The following NAALADL2 variants were observed in gnomAD, a reference collection of about 807,000 sequenced individuals.
The protein encoded by NAALADL2 is N-acetylated alpha-linked acidic dipeptidase like 2.
A neutral mutation model predicts 87.2 loss-of-function variants in NAALADL2; 76 were observed. The ratio of observed to expected loss-of-function variants is 0.87; its 90% CI spans 0.72 to 1.05. The LOEUF is 1.05. Among genes scored for constraint, NAALADL2 ranks in the 50% least tolerant of loss-of-function variants. The pLI is 0.00. For synonymous variants in NAALADL2, 354 were observed against 331.0 expected (o/e 1.07, Z -0.75); for missense variants, 1,089 against 945.8 (o/e 1.15, Z -1.99).
intron 1 of NAALADL2, among the ~76,000 whole-genome samples, chr3:174,994,477 AT>A (rs1008640620): frequency 6.7e-6 from 1 of 150,222 alleles, no homozygotes; most frequent in East Asian, 1.9e-4. Flanking sequence ...AGTAATGATT[AT>A]TTTTTTGAAT....
chr3:175,599,182 T>C (rs1383983918), intron 10 of NAALADL2, among the ~76,000 whole-genome samples: 1 of 152,122 alleles, frequency 6.6e-6, no homozygotes, highest in African/African-American at 2.4e-5. Context: ...ATAGGTACTG[T>C]AGGATAACAA....
chr3:174,800,423 C>T (rs930345504), intron 3 of NAALADL2, among the ~76,000 whole-genome samples: 2 of 152,162 alleles, frequency 1.3e-5, no homozygotes, highest in Non-Finnish European at 2.9e-5. Flanking sequence ...GTTGAGCCTG[C>T]AGGTGCACAG....
chr3:175,698,918 A>G (rs1425812784), intron 11 of NAALADL2, among the ~76,000 whole-genome samples: 1 of 151,992 alleles, frequency 6.6e-6, no homozygotes, highest in Non-Finnish European at 1.5e-5. Context: ...TGCTAAGCAC[A>G]CATAAAACTA....
chr3:174,690,862 CGT>C (rs1218422311), intron 2 of NAALADL2, among the ~76,000 whole-genome samples: 1 of 151,928 alleles, frequency 6.6e-6, no homozygotes, highest in Admixed American at 6.6e-5. Flanking sequence ...AAATGGGTAG[CGT>C]GTGTGTATGT....
intron 3 of NAALADL2, among the ~76,000 whole-genome samples, chr3:174,825,889 T>C (rs111642864): frequency 0.02 from 2,989 of 152,080 alleles, 103 homozygotes; most frequent in African/African-American, 0.069. Context: ...TAGGCGGGCG[T>C]GGTGGCGGGC....
intron 1 of NAALADL2, among the ~76,000 whole-genome samples, chr3:174,926,833 A>G (rs1204842697): frequency 6.6e-6 from 1 of 152,186 alleles, no homozygotes; most frequent in African/African-American, 2.4e-5. Context: ...TCATAATGAC[A>G]GGATCAAATT....
intron 1 of NAALADL2, among the ~76,000 whole-genome samples, chr3:174,535,913 A>G (rs897322204): frequency 2.0e-5 from 3 of 152,110 alleles, no homozygotes; most frequent in Non-Finnish European, 2.9e-5. Flanking sequence ...TGCACCAAAC[A>G]CTTAACATCT....
rs115280393 is a variant in NAALADL2, at chr3:174,565,526, C to G, written c.-115+14889C>G. Among the ~76,000 whole-genome samples, 691 of 152,094 alleles carry G rather than the reference C, an allele frequency of 4.5e-3. 5 individuals are homozygous for G. The highest frequency in any genetic ancestry group is 0.016 in the African/African-American group (666 of 41,514). On this transcript the variant is annotated intron_variant, in intron 2 of 3. Coordinates refer to the NAALADL2 transcript ENST00000434257. ...TAGCTCATCTATCTTTATTTCTGAA[C>G]AGTATTACATTTTATAAGTGTTCCA...
chr3:174,941,763 TG>T (rs985466289), intron 1 of NAALADL2, among the ~76,000 whole-genome samples: 11 of 53,108 alleles, frequency 2.1e-4, no homozygotes, highest in African/African-American at 1.0e-3. Context: ...TACTTCTTTA[TG>T]TTTTTTTTTA....
intron 2 of NAALADL2, among the ~76,000 whole-genome samples, chr3:175,165,877 T>G (rs1312553231): frequency 6.6e-6 from 1 of 151,968 alleles, no homozygotes. Flanking sequence ...TCACTCTGAT[T>G]GATCCACCCT....
chr3:174,985,144 A>G (rs546738168), intron 1 of NAALADL2, among the ~76,000 whole-genome samples: 1 of 152,306 alleles, frequency 6.6e-6, no homozygotes, highest in South Asian at 2.1e-4. Context: ...AGCAAAACAA[A>G]CCACAAACAT....
At chr3:175,621,929 C>T (rs1295336550) in intron 10 of NAALADL2, among the ~76,000 whole-genome samples, 3 of 152,126 alleles carry the variant, frequency 2.0e-5, no homozygotes, top group African/African-American at 7.2e-5. Flanking sequence ...CAAATTGTAG[C>T]TACAGAAATT....
At chr3:174,449,752 G>T (rs933527679) in intron 1 of NAALADL2, among the ~76,000 whole-genome samples, 2 of 152,088 alleles carry the variant, frequency 1.3e-5, no homozygotes, top group African/African-American at 4.8e-5. Context: ...AAAGTTTGGA[G>T]ATAATGTTGA....
chr3:175,727,451 A>G (rs962261846), intron 11 of NAALADL2, among the ~76,000 whole-genome samples: 3 of 152,178 alleles, frequency 2.0e-5, no homozygotes, highest in African/African-American at 4.8e-5. Flanking sequence ...CTCCTAAAAA[A>G]TGGCCATGTG....
chr3:175,043,356 A>T (rs1754304411), intron 1 of NAALADL2, among the ~76,000 whole-genome samples: 1 of 152,114 alleles, frequency 6.6e-6, no homozygotes, highest in Admixed American at 6.6e-5. Flanking sequence ...CTCCTGCCTC[A>T]GCCTCGTAAG....
At chr3:175,533,486 T>C (rs1167725467) in intron 9 of NAALADL2, among the ~76,000 whole-genome samples, 1 of 152,100 alleles carries the variant, frequency 6.6e-6, no homozygotes, top group Non-Finnish European at 1.5e-5. Flanking sequence ...TCAGAAAGGC[T>C]GATGGCAGCA....
chr3:174,676,807 T>C (rs924077593), intron 2 of NAALADL2, among the ~76,000 whole-genome samples: 1 of 151,920 alleles, frequency 6.6e-6, no homozygotes, highest in African/African-American at 2.4e-5. Context: ...AAACAAAATG[T>C]TATAAATTTC....
chr3:175,256,793 T>C (rs1750023790), intron 4 of NAALADL2: 1 of 229,572 alleles, frequency 4.4e-6, no homozygotes, highest in Non-Finnish European at 8.4e-6. Flanking sequence ...TAACACTGAG[T>C]TTGTGGGACC....
chr3:175,498,824 T>C (rs1196846432), intron 9 of NAALADL2, among the ~76,000 whole-genome samples: 2 of 152,050 alleles, frequency 1.3e-5, no homozygotes, highest in East Asian at 3.9e-4. Context: ...TGTATTTAGA[T>C]AGGGTCTTTA....
Sources: gnomAD v4.1 joint callset for allele counts (sites outside exome capture counted in the v4.1 genomes callset) on GRCh38, gnomAD v4.1.1 for gene constraint, MANE v1.5 for transcripts, NCBI Gene and HGNC (gene_info 2026-07-23, HGNC 2026-07-21) for gene names.